Variants in OTOGL observed in about 807,000 individuals in gnomAD.
OTOGL encodes otogelin-like protein.
OTOGL carries 285 observed loss-of-function variants against 318.5 expected under a neutral mutation model. The observed-to-expected ratio is 0.89, with a 90% CI of 0.81 to 0.99. The LOEUF (loss-of-function observed/expected upper bound fraction) is 0.99, where lower values mean the gene tolerates loss of function less well. Ranked by LOEUF, OTOGL falls within the 50% of genes least tolerant of loss-of-function variation. OTOGL has a pLI of 0.00. For synonymous variants in OTOGL, 987 were observed against 936.5 expected (o/e 1.05, Z -0.99); for missense variants, 2,899 against 2,845.6 (o/e 1.02, Z -0.43).
intron 11 of OTOGL, among the ~76,000 whole-genome samples, chr12:80,251,353 G>A (rs1881529276): frequency 6.6e-6 from 1 of 152,102 alleles, no homozygotes; most frequent in African/African-American, 2.4e-5. Flanking sequence ...AATGTTTTGT[G>A]TGTGAGTGAA....
intron 1 of OTOGL, among the ~76,000 whole-genome samples, chr12:80,137,275 C>T (rs891277192): frequency 3.9e-5 from 6 of 151,916 alleles, no homozygotes; most frequent in African/African-American, 1.5e-4. Context: ...AAGAAAAAAA[C>T]CATGTCACTG....
chr12:80,108,537 A>T (rs1009423720), intron 1 of OTOGL, among the ~76,000 whole-genome samples: 2 of 151,388 alleles, frequency 1.3e-5, no homozygotes, highest in Non-Finnish European at 2.9e-5. Context: ...TTTGCAATTT[A>T]TGGCAATCTA....
Position 80,377,204 on chromosome 12 carries a change from T to G in OTOGL, c.6861+2T>G. The stretch of plus-strand genomic sequence containing the variant: ...CAGGACTGTATGAGCCAAAGCCCTG[T>G]AAGTGGAAAAATGTCATTTGCTACA... On this transcript the variant is annotated splice_donor_variant, in intron 58 of 58. Transcript: ENST00000547103. LOFTEE classifies it high-confidence loss of function. 6.3e-7 allele frequency: 1 copy of G among 1,591,826 alleles called. No homozygotes were observed. The highest frequency in any genetic ancestry group is 8.6e-7 in the Non-Finnish European group (1 of 1,165,436).
chr12:80,369,825 C>T (rs10778733), intron 55 of OTOGL, among the ~76,000 whole-genome samples: 79,015 of 151,728 alleles, frequency 0.52, 22,914 homozygotes, highest in East Asian at 0.72. Context: ...GAAAAAGAGA[C>T]GAATTTTCCA....
At chr12:80,339,812 A>T (rs1018558928) in intron 43 of OTOGL, among the ~76,000 whole-genome samples, 18 of 152,130 alleles carry the variant, frequency 1.2e-4, no homozygotes, top group African/African-American at 4.3e-4. Flanking sequence ...ATACCATTAC[A>T]TCTAGGTTTA....
intron 56 of OTOGL, 29 bp downstream of exon 56, chr12:80,370,718 T>G (rs191933904): frequency 1.4e-6 from 2 of 1,449,984 alleles, no homozygotes; most frequent in East Asian, 2.4e-5. Flanking sequence ...CTAAGAAAAT[T>G]TATTATTATA....
intron 1 of OTOGL, among the ~76,000 whole-genome samples, chr12:80,149,724 CATGGGCGTAGG>C: frequency 6.6e-6 from 1 of 152,352 alleles, no homozygotes; most frequent in South Asian, 2.1e-4. Flanking sequence ...ATCGAGACTC[CATGGGCGTAGG>C]ACCCTCCAAG....
chr12:80,229,520 C>A, intron 8 of OTOGL, 142 bp downstream of exon 8: 2 of 1,193,372 alleles, frequency 1.7e-6, no homozygotes, highest in South Asian at 1.6e-5. Flanking sequence ...ATACAGACAT[C>A]AAAACTTCGG....
chr12:80,099,851 TG>T (rs1475536782), intron 1 of OTOGL, among the ~76,000 whole-genome samples: 22 of 152,212 alleles, frequency 1.4e-4, no homozygotes, highest in African/African-American at 5.3e-4. Context: ...TAAGAACCCC[TG>T]GATGTTCACT....
At chr12:80,199,464 C>G (rs1876309813) in intron 1 of OTOGL, among the ~76,000 whole-genome samples, 1 of 152,074 alleles carries the variant, frequency 6.6e-6, no homozygotes, top group African/African-American at 2.4e-5. Flanking sequence ...TGTTGTTTTC[C>G]TCACTGAATT....
At chr12:80,107,542 G>A (rs917718823) in intron 1 of OTOGL, among the ~76,000 whole-genome samples, 1 of 152,102 alleles carries the variant, frequency 6.6e-6, no homozygotes, top group African/African-American at 2.4e-5. Flanking sequence ...GCAGTGTGGT[G>A]GTTTCTCAAA....
intron 26 of OTOGL, among the ~76,000 whole-genome samples, chr12:80,291,105 G>C (rs1380559767): frequency 1.3e-5 from 2 of 152,086 alleles, no homozygotes; most frequent in South Asian, 4.1e-4. Flanking sequence ...TAGAGTATTT[G>C]TCTTAACTCT....
At chr12:80,270,183 T>C (rs767142534) in intron 23 of OTOGL, 29 bp downstream of exon 23, 7 of 1,558,628 alleles carry the variant, frequency 4.5e-6, no homozygotes, top group Middle Eastern at 1.7e-4. Context: ...TTTTCCTGAA[T>C]GAGGGTTCAG....
intron 24 of OTOGL, 104 bp from the exon 25 acceptor site, chr12:80,278,064 C>A: frequency 2.2e-6 from 2 of 913,494 alleles, no homozygotes; most frequent in Non-Finnish European, 3.4e-6. Flanking sequence ...CCTTAGACAG[C>A]TCTAATAAAT....
intron 32 of OTOGL, among the ~76,000 whole-genome samples, chr12:80,317,799 A>T: frequency 6.6e-6 from 1 of 152,068 alleles, no homozygotes; most frequent in East Asian, 1.9e-4. Context: ...AACATTTGTA[A>T]CCATGGTGGT....
chr12:80,322,275 C>T (rs983879125), intron 34 of OTOGL, among the ~76,000 whole-genome samples: 2 of 152,158 alleles, frequency 1.3e-5, no homozygotes, highest in Admixed American at 6.5e-5. Context: ...GTTTACCTAC[C>T]GTTGACCTTT....
intron 11 of OTOGL, among the ~76,000 whole-genome samples, chr12:80,247,512 C>T (rs1440860926): frequency 2.3e-4 from 24 of 103,088 alleles, no homozygotes; most frequent in African/African-American, 1.1e-3. Context: ...AGTTTGATTG[C>T]ACTGTGGTCT....
intron 1 of OTOGL, among the ~76,000 whole-genome samples, chr12:80,156,096 C>T (rs1208917685): frequency 2.0e-5 from 3 of 152,152 alleles, no homozygotes; most frequent in African/African-American, 7.2e-5. Flanking sequence ...GAAGGTGTTG[C>T]CAAAGGAGAT....
intron 1 of OTOGL, chr12:80,132,377 G>A (rs1871294025): frequency 6.6e-6 from 1 of 152,100 alleles, no homozygotes. Flanking sequence ...ATAAAAATAT[G>A]TGTGGACTGT....
Sources: gnomAD v4.1 joint callset for allele counts (sites outside exome capture counted in the v4.1 genomes callset) on GRCh38, gnomAD v4.1.1 for gene constraint, MANE v1.5 for transcripts, NCBI Gene and HGNC (gene_info 2026-07-23, HGNC 2026-07-21) for gene names.